Variants in STK10 observed in about 807,000 individuals in gnomAD.
The protein encoded by STK10 is serine/threonine-protein kinase 10.
A neutral mutation model predicts 113.8 loss-of-function variants in STK10; 78 were observed. The ratio of observed to expected loss-of-function variants is 0.69; its 90% CI spans 0.57 to 0.83. The LOEUF (loss-of-function observed/expected upper bound fraction) is 0.83. Among genes scored for constraint, STK10 ranks in the 40% least tolerant of loss-of-function variants. The probability of loss-of-function intolerance (pLI) is 0.00; values close to 1 mark genes in which losing one functional copy is unlikely to be tolerated. For synonymous variants in STK10, 465 were observed against 494.7 expected (o/e 0.94, Z 0.80); for missense variants, 1,109 against 1,280.1 (o/e 0.87, Z 2.04).
chr5:172,058,754 G>A (rs1027336609), intron 14 of STK10, among the ~76,000 whole-genome samples: 2 of 152,102 alleles, frequency 1.3e-5, no homozygotes, highest in East Asian at 3.8e-4. Flanking sequence ...GCTGGGTGTG[G>A]TGGTGTGCAC....
At chr5:172,096,916 C>T (rs1054770862) in intron 7 of STK10, among the ~76,000 whole-genome samples, 3 of 152,124 alleles carry the variant, frequency 2.0e-5, no homozygotes, top group Non-Finnish European at 4.4e-5. Context: ...GGGCTCAAGC[C>T]GTGTTTGCAA....
intron 4 of STK10, among the ~76,000 whole-genome samples, chr5:172,110,142 G>A (rs1769205996): frequency 6.6e-6 from 1 of 152,204 alleles, no homozygotes; most frequent in Non-Finnish European, 1.5e-5. Flanking sequence ...GACCCTCGGG[G>A]AATCCACAGT....
intron 2 of STK10, among the ~76,000 whole-genome samples, chr5:172,130,662 G>A (rs900953366): frequency 9.2e-5 from 14 of 152,154 alleles, no homozygotes; most frequent in Non-Finnish European, 2.9e-5. Context: ...GAGTCCTGGT[G>A]TGCCACTTAA....
intron 15 of STK10, among the ~76,000 whole-genome samples, 192 bp from the exon 16 acceptor site, chr5:172,055,968 TTAA>T (rs930246424): frequency 1.3e-5 from 2 of 152,240 alleles, no homozygotes; most frequent in Non-Finnish European, 2.9e-5. Context: ...AAAATTCTTG[TTAA>T]TAATATCTTG....
chr5:172,077,484 G>A (rs79750665), intron 12 of STK10, among the ~76,000 whole-genome samples: 2,300 of 152,320 alleles, frequency 0.015, 64 homozygotes, highest in African/African-American at 0.052. Flanking sequence ...TAGGAACTGA[G>A]TAGCAGACCA....
chr5:172,083,171 G>C (rs1219812749), intron 10 of STK10, 87 bp from the exon 11 acceptor site: 1 of 1,575,514 alleles, frequency 6.3e-7, no homozygotes, highest in Non-Finnish European at 8.6e-7. Context: ...CTGAAGGTTG[G>C]ATCATGGAGC....
chr5:172,183,158 G>C (rs763723902), intron 1 of STK10, among the ~76,000 whole-genome samples: 22 of 152,198 alleles, frequency 1.4e-4, no homozygotes, highest in Admixed American at 5.2e-4. Context: ...AGTAAGCAAT[G>C]ATGGTGCCAC....
At chr5:172,054,493 T>C (rs948287228) in intron 17 of STK10, 76 bp downstream of exon 17, 33 of 1,561,876 alleles carry the variant, frequency 2.1e-5, no homozygotes, top group Non-Finnish European at 2.9e-5. Flanking sequence ...GTGGAGTTTC[T>C]GGCCCCCTGA....
At chr5:172,108,540 C>T (rs573829581) in intron 4 of STK10, among the ~76,000 whole-genome samples, 109 of 149,952 alleles carry the variant, frequency 7.3e-4, no homozygotes, top group Non-Finnish European at 1.4e-3. Flanking sequence ...CGCTTGAACC[C>T]GGGAGGTGGA....
intron 2 of STK10, among the ~76,000 whole-genome samples, chr5:172,130,531 C>CAAA (rs11338879): frequency 1.7e-5 from 2 of 117,270 alleles, no homozygotes; most frequent in Non-Finnish European, 3.7e-5. Context: ...ACTCTGTCTC[C>CAAA]AAAAAAAAAA....
At chr5:172,060,090 G>T (rs1469683810) in intron 14 of STK10, among the ~76,000 whole-genome samples, 1 of 152,182 alleles carries the variant, frequency 6.6e-6, no homozygotes, top group Non-Finnish European at 1.5e-5. Flanking sequence ...CCTCGTGAAT[G>T]GAATTAGTGC....
intron 12 of STK10, among the ~76,000 whole-genome samples, chr5:172,071,669 C>A (rs1242754940): frequency 6.6e-6 from 1 of 152,066 alleles, no homozygotes; most frequent in Non-Finnish European, 1.5e-5. Context: ...CCTGGCAACG[C>A]CTCTTCCCAC....
chr5:172,131,138 A>G (rs1027757012), intron 2 of STK10, among the ~76,000 whole-genome samples: 1 of 143,208 alleles, frequency 7.0e-6, no homozygotes, highest in Admixed American at 7.5e-5. Context: ...GGTTCACGCC[A>G]TTCTCCTGCC....
intron 7 of STK10, among the ~76,000 whole-genome samples, chr5:172,103,310 G>A (rs779381244): frequency 6.6e-6 from 1 of 152,260 alleles, no homozygotes; most frequent in Non-Finnish European, 1.5e-5. Context: ...CAGCACAGGC[G>A]TGAAAGGTGC....
At chr5:172,055,511 A>G (rs1372967065) in intron 16 of STK10, 77 bp downstream of exon 16, 34 of 1,290,430 alleles carry the variant, frequency 2.6e-5, no homozygotes, top group Non-Finnish European at 3.3e-5. Context: ...CCAAAACTGT[A>G]TAAGGCCCAG....
intron 16 of STK10, among the ~76,000 whole-genome samples, 163 bp from the exon 17 acceptor site, chr5:172,054,857 C>T (rs918919604): frequency 6.6e-6 from 1 of 152,202 alleles, no homozygotes; most frequent in Non-Finnish European, 1.5e-5. Flanking sequence ...AAGTCCTCAC[C>T]CTGAGCTGAG....
intron 3 of STK10, among the ~76,000 whole-genome samples, chr5:172,126,480 C>T (rs972978877): frequency 6.6e-6 from 1 of 152,096 alleles, no homozygotes; most frequent in African/African-American, 2.4e-5. Flanking sequence ...AGAAGAATCA[C>T]CTGAACCCGG....
At chr5:172,107,127 G>C (rs1205206455) in intron 5 of STK10, 1 of 300,090 alleles carries the variant, frequency 3.3e-6, no homozygotes, top group Non-Finnish European at 6.3e-6. Flanking sequence ...AAAAAAAAGG[G>C]GCGTGGAGGT....
intron 13 of STK10, chr5:172,061,662 G>C (rs2113703036): frequency 6.3e-6 from 1 of 159,488 alleles, no homozygotes; most frequent in Non-Finnish European, 1.4e-5. Flanking sequence ...ATGTTGGTCA[G>C]GCTGGTCTCA....
Sources: allele counts gnomAD v4.1 joint callset (sites outside exome capture counted in the v4.1 genomes callset), GRCh38; gene constraint gnomAD v4.1.1; transcripts MANE v1.5; gene names NCBI Gene and HGNC (gene_info 2026-07-23, HGNC 2026-07-21).